ACSM1: variants seen among roughly 807,000 people sequenced by gnomAD.
ACSM1 encodes acyl-coenzyme A synthetase ACSM1, mitochondrial.
In ACSM1, 79 loss-of-function variants were observed where a neutral mutation model predicts 75.8. The observed-to-expected ratio is 1.04, with a 90% CI of 0.87 to 1.26. The LOEUF (loss-of-function observed/expected upper bound fraction) is 1.26. ACSM1 is among the 50% of genes most tolerant of loss of function. ACSM1 has a pLI of 0.00. For synonymous variants in ACSM1, 279 were observed against 265.8 expected (o/e 1.05, Z -0.48); for missense variants, 676 against 720.1 (o/e 0.94, Z 0.70).
At chr16:20,686,818 A>T (rs1396013568) in intron 2 of ACSM1, among the ~76,000 whole-genome samples, 1 of 152,008 alleles carries the variant, frequency 6.6e-6, no homozygotes, top group Non-Finnish European at 1.5e-5. Context: ...AAGAAAAAAA[A>T]AAAGTTTAAC....
At chr16:20,640,347 T>C in intron 8 of ACSM1, 114 bp downstream of exon 8, 1 of 1,240,940 alleles carries the variant, frequency 8.1e-7, no homozygotes, top group Non-Finnish European at 1.1e-6. Flanking sequence ...CTCAAAATCA[T>C]CTTTGGGGAA....
chr16:20,655,281 G>A (rs1255994586), intron 7 of ACSM1, among the ~76,000 whole-genome samples: 1 of 151,208 alleles, frequency 6.6e-6, no homozygotes, highest in Non-Finnish European at 1.5e-5. Flanking sequence ...AGCACATTAG[G>A]AGATATACCT....
At chr16:20,643,440 A>T (rs2018178207) in intron 7 of ACSM1, among the ~76,000 whole-genome samples, 1 of 152,092 alleles carries the variant, frequency 6.6e-6, no homozygotes, top group African/African-American at 2.4e-5. Context: ...GAAGCCGTGG[A>T]CCCTTGCAGT....
At chr16:20,644,445 T>C (rs1180887351) in intron 7 of ACSM1, among the ~76,000 whole-genome samples, 2 of 151,934 alleles carry the variant, frequency 1.3e-5, no homozygotes, top group Non-Finnish European at 2.9e-5. Flanking sequence ...TAACAAGGGA[T>C]TTAAATCTTA....
intron 4 of ACSM1, 38 bp from the exon 5 acceptor site, chr16:20,671,709 A>G: frequency 6.8e-7 from 1 of 1,471,984 alleles, no homozygotes; most frequent in Non-Finnish European, 9.0e-7. Context: ...AAAAGTCATG[A>G]TTGCTGTTTC....
intron 1 of ACSM1, 133 bp from the exon 2 acceptor site, chr16:20,691,372 G>A (rs2079650292): frequency 1.9e-6 from 1 of 519,336 alleles, no homozygotes; most frequent in Non-Finnish European, 3.3e-6. Context: ...ACCCCTGATT[G>A]ATTTTGGTGG....
At chr16:20,644,003 T>C (rs1300165675) in intron 7 of ACSM1, among the ~76,000 whole-genome samples, 1 of 152,174 alleles carries the variant, frequency 6.6e-6, no homozygotes, top group African/African-American at 2.4e-5. Flanking sequence ...GGTGTTTTTT[T>C]ACAGAGTGCT....
intron 6 of ACSM1, 116 bp downstream of exon 6, chr16:20,669,711 A>C (rs2019783903): frequency 2.9e-6 from 3 of 1,030,856 alleles, no homozygotes; most frequent in African/African-American, 3.2e-5. Context: ...GCCCAGGCTC[A>C]GGATCATCTT....
At chr16:20,638,709 C>CA (rs1248140740) in intron 8 of ACSM1, among the ~76,000 whole-genome samples, 3 of 152,194 alleles carry the variant, frequency 2.0e-5, no homozygotes, top group African/African-American at 7.2e-5. Flanking sequence ...CTGTAATTGG[C>CA]AGAGCTGAGA....
At chr16:20,669,441 A>AAC (rs71149170) in intron 6 of ACSM1, among the ~76,000 whole-genome samples, 24,296 of 141,124 alleles carry the variant, frequency 0.17, 1,954 homozygotes, top group Non-Finnish European at 0.19. Flanking sequence ...TGAGTAAGAA[A>AAC]ACACACACAC....
chr16:20,668,796 T>C (rs1340180663), intron 6 of ACSM1, among the ~76,000 whole-genome samples: 1 of 152,106 alleles, frequency 6.6e-6, no homozygotes, highest in East Asian at 1.9e-4. Flanking sequence ...TTGGTGAAGT[T>C]TGGTATTAAG....
chr16:20,629,393 A>G (rs1347285652), intron 10 of ACSM1, among the ~76,000 whole-genome samples: 1 of 152,194 alleles, frequency 6.6e-6, no homozygotes, highest in Non-Finnish European at 1.5e-5. Flanking sequence ...AGGATGTTGT[A>G]TGTAATATAG....
At position 20,687,036 on chromosome 16, in the gene ACSM1, G is replaced by A. The variant is rs2079566533; in HGVS notation, c.193-1633C>T. Among the ~76,000 whole-genome samples the A allele has an allele frequency of 2.7e-5, 4 of 147,546 alleles. No individual in the cohort carries two copies. The South Asian group carries it at 8.6e-4, about 32-fold the overall frequency. On this transcript the variant is annotated intron_variant, in intron 2 of 13. Transcript: ENST00000520010. ...CCATCTCTTTCTGGTGTGGTGCGGT[G>A]CAGTCAAGAGGAAGCCCCCCAACTC...
Position 20,629,705 on chromosome 16 carries a change from C to T in ACSM1, c.1300-2389G>A, listed in dbSNP as rs114653202. Among the ~76,000 whole-genome samples the T allele has an allele frequency of 6.3e-3, 962 of 152,232 alleles. 16 individuals are homozygous for T. Among genetic ancestry groups the T allele is most frequent in the South Asian group, 0.032 (153 of 4,820 alleles). On this transcript the variant is annotated intron_variant, in intron 10 of 13. Coordinates refer to ENST00000520010, the MANE Select transcript of ACSM1 (RefSeq NM_001318890.3). The stretch of plus-strand genomic sequence containing the variant: ...GAGATTCATTTTAGATTTAAAGACA[C>T]GAATTCCACTGGGCGTGGTGGCTCA...
At chr16:20,670,083 C>T (rs1003318006) in intron 5 of ACSM1, 97 bp from the exon 6 acceptor site, 6 of 1,234,730 alleles carry the variant, frequency 4.9e-6, no homozygotes, top group Non-Finnish European at 6.9e-6. Context: ...ACCTTTCTCA[C>T]TCTCAGTTCA....
chr16:20,655,423 AAAAG>A (rs2018905277), intron 7 of ACSM1, among the ~76,000 whole-genome samples: 2 of 151,786 alleles, frequency 1.3e-5, no homozygotes, highest in South Asian at 2.1e-4. Context: ...ATAAAATAAA[AAAAG>A]AAAGAGGGAT....
chr16:20,658,294 G>A (rs565154743), intron 7 of ACSM1, among the ~76,000 whole-genome samples: 6 of 152,174 alleles, frequency 3.9e-5, no homozygotes, highest in African/African-American at 1.2e-4. Context: ...TTTAATGATC[G>A]CCATTCTAAC....
chr16:20,665,063 A>G (rs2019498392), intron 6 of ACSM1, among the ~76,000 whole-genome samples: 1 of 152,164 alleles, frequency 6.6e-6, no homozygotes, highest in South Asian at 2.1e-4. Flanking sequence ...GCTAATTAAG[A>G]ATCTAATATC....
At chr16:20,697,380 G>GT (rs1201040780) in intron 1 of ACSM1, among the ~76,000 whole-genome samples, 1 of 152,028 alleles carries the variant, frequency 6.6e-6, no homozygotes, top group Admixed American at 6.6e-5. Flanking sequence ...CACTAAACCA[G>GT]TCCCCATTTA....
Sources: allele counts gnomAD v4.1 joint callset (sites outside exome capture counted in the v4.1 genomes callset), GRCh38; gene constraint gnomAD v4.1.1; transcripts MANE v1.5; gene names NCBI Gene and HGNC (gene_info 2026-07-23, HGNC 2026-07-21).